PRKG1: variants seen among roughly 807,000 people sequenced by gnomAD.
PRKG1 encodes the protein protein kinase cGMP-dependent 1.
In PRKG1, 35 loss-of-function variants were observed where a neutral mutation model predicts 88.1. That is an observed-to-expected ratio of 0.40 (90% CI 0.30 to 0.53). The LOEUF (loss-of-function observed/expected upper bound fraction) is 0.53, where lower values mean the gene tolerates loss of function less well. Among genes scored for constraint, PRKG1 ranks in the 20% least tolerant of loss-of-function variants. The pLI, the probability that PRKG1 is intolerant of heterozygous loss-of-function variation, is 0.59. For synonymous variants in PRKG1, 303 were observed against 292.5 expected, an observed-to-expected ratio of 1.04 and a Z score of -0.37; for missense variants, 540 against 839.8, an observed-to-expected ratio of 0.64 and a Z score of 4.41.
At chr10:51,209,256 A>G (rs1418785005) in intron 2 of PRKG1, among the ~76,000 whole-genome samples, 2 of 152,142 alleles carry the variant, frequency 1.3e-5, no homozygotes, top group Admixed American at 1.3e-4. Context: ...TATTGGTGTA[A>G]GAGTGTACAG....
chr10:51,902,849 A>G (rs1842008907), intron 4 of PRKG1, among the ~76,000 whole-genome samples: 1 of 152,212 alleles, frequency 6.6e-6, no homozygotes, highest in Admixed American at 6.5e-5. Context: ...ATGTGAAATA[A>G]TAAGTGAAAA....
chr10:51,439,261 A>G (rs1032661829), intron 2 of PRKG1, among the ~76,000 whole-genome samples: 1 of 151,878 alleles, frequency 6.6e-6, no homozygotes, highest in East Asian at 1.9e-4. Flanking sequence ...CAATTAGACT[A>G]TGGCTTAATG....
At chr10:51,611,962 T>A (rs544024056) in intron 3 of PRKG1, among the ~76,000 whole-genome samples, 62 of 152,204 alleles carry the variant, frequency 4.1e-4, no homozygotes, top group African/African-American at 1.3e-3. Flanking sequence ...TATCGATTTA[T>A]TTCTTGGTTT....
intron 5 of PRKG1, among the ~76,000 whole-genome samples, chr10:51,942,941 G>T (rs1461036481): frequency 2.0e-5 from 3 of 151,774 alleles, no homozygotes; most frequent in South Asian, 2.1e-4. Context: ...TGCGGGCTCT[G>T]TTTTGGTTCC....
chr10:51,330,492 A>G (rs1841712217), intron 2 of PRKG1, among the ~76,000 whole-genome samples: 2 of 152,210 alleles, frequency 1.3e-5, no homozygotes, highest in African/African-American at 4.8e-5. Context: ...CTTGTAAGCT[A>G]GAAATATTAC....
chr10:52,203,615 T>C (rs1231498963), intron 9 of PRKG1, among the ~76,000 whole-genome samples: 3 of 152,226 alleles, frequency 2.0e-5, no homozygotes, highest in Non-Finnish European at 4.4e-5. Flanking sequence ...AAGTGGTGTG[T>C]AGAAGTCTCC....
At chr10:52,011,512 T>G (rs777284298) in intron 5 of PRKG1, among the ~76,000 whole-genome samples, 33 of 152,148 alleles carry the variant, frequency 2.2e-4, no homozygotes, top group Non-Finnish European at 3.4e-4. Flanking sequence ...AAGACCACAT[T>G]TATTTCCCCC....
intron 8 of PRKG1, 122 bp from the exon 9 acceptor site, chr10:52,161,767 G>C: frequency 1.3e-6 from 1 of 773,918 alleles, no homozygotes; most frequent in Non-Finnish European, 2.2e-6. Flanking sequence ...AATGTACTTA[G>C]ATTAAGTGTT....
In PRKG1 at chr10:51,895,602, A is replaced by T. The variant is rs148384826; in HGVS notation, c.699-11905A>T. On this transcript the variant is annotated intron_variant, in intron 4 of 17. Coordinates refer to ENST00000373980, the MANE Select transcript of PRKG1 (RefSeq NM_006258.4). Reference sequence around the variant, plus strand: ...AGAGTCCTGAAAATGCTAGGGATCCATCTGTAGGGCAGTTTATTCAAATAT... The same window carrying T: ...AGAGTCCTGAAAATGCTAGGGATCCTTCTGTAGGGCAGTTTATTCAAATAT... Among the ~76,000 whole-genome samples the T allele has an allele frequency of 4.1e-3, 627 of 152,226 alleles. 4 individuals are homozygous for T. The highest frequency in any genetic ancestry group is 0.014 in the Middle Eastern group (4 of 294).
chr10:52,244,997 A>T (rs1284275698), intron 9 of PRKG1, among the ~76,000 whole-genome samples: 1 of 147,486 alleles, frequency 6.8e-6, no homozygotes, highest in East Asian at 2.0e-4. Flanking sequence ...AAAAAATAAA[A>T]TATATAAAAA....
At chr10:52,190,756 A>C (rs541140703) in intron 9 of PRKG1, among the ~76,000 whole-genome samples, 60 of 152,232 alleles carry the variant, frequency 3.9e-4, no homozygotes, top group East Asian at 3.1e-3. Context: ...TTATTATGAA[A>C]ATTGTCAAGC....
At chr10:51,583,078 A>G (rs1411175609) in intron 3 of PRKG1, among the ~76,000 whole-genome samples, 1 of 152,162 alleles carries the variant, frequency 6.6e-6, no homozygotes, top group Non-Finnish European at 1.5e-5. Context: ...TATGTAAAAT[A>G]CTTTATAGAT....
intron 10 of PRKG1, among the ~76,000 whole-genome samples, chr10:52,261,214 G>A (rs746435265): frequency 2.2e-4 from 34 of 151,760 alleles, no homozygotes; most frequent in Non-Finnish European, 4.0e-4. Context: ...GATATTTCCT[G>A]ATATTTCTGG....
chr10:52,274,587 G>A (rs1477616461), intron 12 of PRKG1, among the ~76,000 whole-genome samples: 1 of 150,316 alleles, frequency 6.7e-6, no homozygotes, highest in Non-Finnish European at 1.5e-5. Flanking sequence ...ATATATCACA[G>A]TTTCTTTATC....
intron 8 of PRKG1, among the ~76,000 whole-genome samples, chr10:52,153,588 A>C (rs1838001670): frequency 6.6e-6 from 1 of 152,184 alleles, no homozygotes; most frequent in South Asian, 2.1e-4. Flanking sequence ...TGGAAATGCC[A>C]CTTGCAGGGA....
intron 1 of PRKG1, among the ~76,000 whole-genome samples, chr10:51,009,148 T>C (rs1019325632): frequency 6.6e-6 from 1 of 152,228 alleles, no homozygotes; most frequent in Non-Finnish European, 1.5e-5. Context: ...AACCCTTCTA[T>C]GCTATAATTT....
At chr10:51,383,634 C>T (rs189131655) in intron 2 of PRKG1, among the ~76,000 whole-genome samples, 17 of 152,272 alleles carry the variant, frequency 1.1e-4, no homozygotes, top group Admixed American at 9.2e-4. Flanking sequence ...CCACTCTAAA[C>T]CCATCTCTTG....
intron 4 of PRKG1, among the ~76,000 whole-genome samples, chr10:51,842,008 TAG>T (rs1374366900): frequency 6.6e-6 from 1 of 152,194 alleles, no homozygotes; most frequent in African/African-American, 2.4e-5. Flanking sequence ...CAATGAAGTA[TAG>T]AGTCTTGGAT....
At chr10:51,689,510 T>G (rs910104842) in intron 3 of PRKG1, among the ~76,000 whole-genome samples, 1 of 152,102 alleles carries the variant, frequency 6.6e-6, no homozygotes, top group African/African-American at 2.4e-5. Flanking sequence ...GGTGGGTGCA[T>G]AGAAGAACCA....
Sources: gnomAD v4.1 joint callset for allele counts (sites outside exome capture counted in the v4.1 genomes callset) on GRCh38, gnomAD v4.1.1 for gene constraint, MANE v1.5 for transcripts, NCBI Gene and HGNC (gene_info 2026-07-23, HGNC 2026-07-21) for gene names.